The following PARD3 variants were observed in gnomAD, a reference collection of about 807,000 sequenced individuals.
The protein encoded by PARD3 is par-3 family cell polarity regulator, also known as partitioning defective 3 homolog.
A neutral mutation model predicts 155.4 loss-of-function variants in PARD3; 75 were observed. The observed-to-expected ratio is 0.48, with a 90% confidence interval of 0.40 to 0.58. The LOEUF (loss-of-function observed/expected upper bound fraction) is 0.58, where lower values mean the gene tolerates loss of function less well. PARD3 is among the 20% of genes least tolerant of loss of function. The pLI is 0.00. For synonymous variants in PARD3, 576 were observed against 610.5 expected, an observed-to-expected ratio of 0.94 and a Z score of 0.83; for missense variants, 1,642 against 1,721.7, an observed-to-expected ratio of 0.95 and a Z score of 0.82.
At chr10:34,462,893 G>GGAAGGGGAGGA (rs1257132050) in intron 4 of PARD3, among the ~76,000 whole-genome samples, 1 of 133,758 alleles carries the variant, frequency 7.5e-6, no homozygotes, top group Non-Finnish European at 1.6e-5. Context: ...AAGGGAAAGG[G>GGAAGGGGAGGA]AGGAGAAAGG....
intron 22 of PARD3, among the ~76,000 whole-genome samples, chr10:34,260,928 C>A (rs778765172): frequency 1.3e-5 from 2 of 152,056 alleles, no homozygotes; most frequent in Admixed American, 1.3e-4. Context: ...CTGATTTTAA[C>A]GGGAGGGGAA....
chr10:34,598,282 A>G (rs1241321939), intron 2 of PARD3, among the ~76,000 whole-genome samples: 1 of 126,928 alleles, frequency 7.9e-6, no homozygotes, highest in Non-Finnish European at 1.6e-5. Context: ...GAAGAACACA[A>G]AGACACAATT....
intron 20 of PARD3, among the ~76,000 whole-genome samples, chr10:34,305,992 A>G (rs561593943): frequency 2.0e-5 from 3 of 152,170 alleles, no homozygotes; most frequent in African/African-American, 7.2e-5. Flanking sequence ...AAATTTTTTT[A>G]TTAAAAAAAT....
intron 22 of PARD3, among the ~76,000 whole-genome samples, chr10:34,207,886 C>T (rs977821104): frequency 5.3e-5 from 8 of 152,096 alleles, no homozygotes; most frequent in Non-Finnish European, 8.8e-5. Context: ...AGAATGCCTC[C>T]GGTCCTTTGT....
chr10:34,618,962 G>A (rs187577024), intron 2 of PARD3, among the ~76,000 whole-genome samples: 4 of 151,784 alleles, frequency 2.6e-5, no homozygotes, highest in South Asian at 4.2e-4. Flanking sequence ...AGCACACCTC[G>A]TGATTCTTAG....
At chr10:34,737,823 A>G (rs2094942724) in intron 1 of PARD3, among the ~76,000 whole-genome samples, 1 of 152,204 alleles carries the variant, frequency 6.6e-6, no homozygotes, top group Admixed American at 6.5e-5. Flanking sequence ...CGAATGAACT[A>G]AGACACACAG....
intron 2 of PARD3, among the ~76,000 whole-genome samples, chr10:34,603,396 A>G (rs1266303356): frequency 6.6e-6 from 1 of 152,208 alleles, no homozygotes; most frequent in Non-Finnish European, 1.5e-5. Flanking sequence ...TCTTTGCCCA[A>G]TGACATTATT....
intron 21 of PARD3, among the ~76,000 whole-genome samples, chr10:34,283,655 G>A (rs1271050096): frequency 2.0e-5 from 3 of 152,050 alleles, no homozygotes; most frequent in Non-Finnish European, 4.4e-5. Flanking sequence ...CAAGAAATAA[G>A]TGTCAGGTTT....
intron 1 of PARD3, among the ~76,000 whole-genome samples, chr10:34,713,041 T>C (rs1271883387): frequency 6.6e-6 from 1 of 151,894 alleles, no homozygotes; most frequent in Non-Finnish European, 1.5e-5. Context: ...AAACCCCGTC[T>C]CTACTAAAAT....
At chr10:34,322,804 C>T (rs1958457607) in intron 19 of PARD3, among the ~76,000 whole-genome samples, 1 of 152,094 alleles carries the variant, frequency 6.6e-6, no homozygotes, top group African/African-American at 2.4e-5. Flanking sequence ...TGAAGAACTG[C>T]CCTTTGTTGC....
intron 4 of PARD3, among the ~76,000 whole-genome samples, chr10:34,467,470 T>C (rs1398413665): frequency 6.6e-6 from 1 of 152,034 alleles, no homozygotes; most frequent in Non-Finnish European, 1.5e-5. Context: ...AACAACAGGC[T>C]GGGCATGGTG....
intron 20 of PARD3, among the ~76,000 whole-genome samples, chr10:34,299,032 A>G (rs1344317536): frequency 1.3e-5 from 2 of 152,218 alleles, no homozygotes; most frequent in Non-Finnish European, 2.9e-5. Context: ...AGAGAAAATA[A>G]TACATCCTTT....
chr10:34,453,771 CTG>C (rs1294795645), intron 4 of PARD3, among the ~76,000 whole-genome samples: 4 of 152,206 alleles, frequency 2.6e-5, no homozygotes, highest in South Asian at 2.1e-4. Context: ...AAACAGTACA[CTG>C]TTTCTCCATG....
At chr10:34,359,001 T>C in intron 14 of PARD3, 146 bp downstream of exon 14, 1 of 586,732 alleles carries the variant, frequency 1.7e-6, no homozygotes, top group Non-Finnish European at 2.9e-6. Context: ...ACAATCCACC[T>C]ACAAAATAAT....
chr10:34,123,938 G>A (rs1050502145), intron 23 of PARD3, among the ~76,000 whole-genome samples: 2 of 152,250 alleles, frequency 1.3e-5, no homozygotes, highest in South Asian at 4.1e-4. Flanking sequence ...AGCTTAATAT[G>A]CGAGTGTGCT....
At chr10:34,283,242 T>C (rs1175153201) in intron 21 of PARD3, among the ~76,000 whole-genome samples, 1 of 152,142 alleles carries the variant, frequency 6.6e-6, no homozygotes, top group Non-Finnish European at 1.5e-5. Flanking sequence ...GCTACAGTCC[T>C]AGCTATGGAC....
At chr10:34,543,777 T>C (rs964266597) in intron 2 of PARD3, among the ~76,000 whole-genome samples, 4 of 152,246 alleles carry the variant, frequency 2.6e-5, no homozygotes, top group African/African-American at 7.2e-5. Flanking sequence ...GGCATGTGAA[T>C]AATTTCAGAA....
chr10:34,706,372 C>A (rs1590744005), intron 1 of PARD3, among the ~76,000 whole-genome samples: 1 of 152,166 alleles, frequency 6.6e-6, no homozygotes, highest in African/African-American at 2.4e-5. Context: ...CAATCTGAAG[C>A]GTCAGGGTTG....
At position 34,413,180 on chromosome 10, in the gene PARD3, C is replaced by CAT. The variant is rs1554851811; in HGVS notation, c.715-11265_715-11264dup. ...ACACACACACACACACACACACACA[C>CAT]ATATATATAAGACTTTGTAACTGAT... is the stretch of plus-strand genomic sequence containing the variant. On this transcript the variant is annotated intron_variant, in intron 5 of 24. Coordinates refer to ENST00000374788, the MANE Select transcript of PARD3 (RefSeq NM_001184785.2). Among the ~76,000 whole-genome samples the CAT allele has an allele frequency of 1.0e-3, 146 of 145,208 alleles. 1 individual carries two copies. The highest frequency in any genetic ancestry group is 2.9e-3 in the South Asian group (13 of 4,424).
Sources: allele counts gnomAD v4.1 joint callset (sites outside exome capture counted in the v4.1 genomes callset), GRCh38; gene constraint gnomAD v4.1.1; transcripts MANE v1.5; gene names NCBI Gene and HGNC (gene_info 2026-07-23, HGNC 2026-07-21).